SEPTIN7: variants seen among roughly 807,000 people sequenced by gnomAD.
SEPTIN7 encodes septin-7.
In SEPTIN7, 10 loss-of-function variants were observed where a neutral mutation model predicts 63.3. That is an observed-to-expected ratio of 0.16 (90% CI 0.10 to 0.27). The LOEUF is 0.27. Ranked by LOEUF, SEPTIN7 falls within the 10% of genes least tolerant of loss-of-function variation. The pLI is 1.00. For synonymous variants in SEPTIN7, 131 were observed against 165.3 expected, an observed-to-expected ratio of 0.79 and a Z score of 1.59; for missense variants, 310 against 521.0, an observed-to-expected ratio of 0.59 and a Z score of 3.94.
intron 3 of SEPTIN7, among the ~76,000 whole-genome samples, chr7:35,835,553 T>C (rs1372105121): frequency 2.0e-5 from 3 of 152,164 alleles, no homozygotes; most frequent in African/African-American, 7.2e-5. Flanking sequence ...TAGTCTGGGA[T>C]GTTCTTAACC....
intron 5 of SEPTIN7, among the ~76,000 whole-genome samples, chr7:35,873,035 G>T (rs1367637445): frequency 6.6e-6 from 1 of 151,986 alleles, no homozygotes; most frequent in Non-Finnish European, 1.5e-5. Context: ...GTAAATAGAA[G>T]AATTCTCATT....
chr7:35,819,710 CTT>C (rs1356154407), intron 1 of SEPTIN7, among the ~76,000 whole-genome samples: 5 of 152,088 alleles, frequency 3.3e-5, no homozygotes, highest in Admixed American at 1.3e-4. Context: ...AACAATATGT[CTT>C]TTAAGTCTGT....
chr7:35,890,246 A>G (rs1787551258), intron 10 of SEPTIN7, among the ~76,000 whole-genome samples: 1 of 152,216 alleles, frequency 6.6e-6, no homozygotes, highest in Non-Finnish European at 1.5e-5. Context: ...GAAATTTATT[A>G]TTATGTATTA....
rs554048933 is a variant in SEPTIN7 at position 35,853,183 on chromosome 7, GC to G, written c.170-10366del. Among the ~76,000 whole-genome samples, 246 of 152,292 alleles carry G rather than the reference GC, an allele frequency of 1.6e-3. 2 individuals are homozygous for G. The highest frequency in any genetic ancestry group is 5.7e-3 in the African/African-American group (239 of 41,566). On this transcript the variant is annotated intron_variant, in intron 3 of 13. Coordinates refer to ENST00000350320, the MANE Select transcript of SEPTIN7 (RefSeq NM_001788.6). ...CCTGGTGCTCAAGCATGTAATCCCA[GC>G]CCTTTGGGAGGCCGAGGTGGGAAGA...
rs1199377689 is a variant in SEPTIN7 at position 35,883,964 on chromosome 7, A to T, written c.797A>T (p.Gln266Leu). 1 of 1,609,284 alleles carries T rather than the reference A, an allele frequency of 6.2e-7. No individual in the cohort carries two copies. Among genetic ancestry groups the T allele is most frequent in the African/African-American group, 1.3e-5 (1 of 74,816 alleles). The change falls in exon 9 of 14, where the codon CAG becomes CTG. Residue 266 changes from glutamine (Q) to leucine (L), a missense_variant. Coordinates refer to ENST00000350320, the MANE Select transcript of SEPTIN7 (RefSeq NM_001788.6). Reference protein sequence around the residue: ...EVNGKRVRGRQYPWGVAEVEN... With the variant: ...EVNGKRVRGRLYPWGVAEVEN... Reference sequence around the variant, plus strand: ...AATGGCAAAAGGGTCAGAGGAAGGCAGTATCCTTGGGGTGTTGCTGAAGGT... The same window carrying T: ...AATGGCAAAAGGGTCAGAGGAAGGCTGTATCCTTGGGGTGTTGCTGAAGGT...
chr7:35,910,101 T>C (rs1788714707), downstream of SEPTIN7, among the ~76,000 whole-genome samples: 1 of 152,214 alleles, frequency 6.6e-6, no homozygotes, highest in South Asian at 2.1e-4. Flanking sequence ...TGTGACATGG[T>C]GGCTGGCTTT....
intron 3 of SEPTIN7, among the ~76,000 whole-genome samples, chr7:35,840,068 T>C (rs1784330312): frequency 6.6e-6 from 1 of 152,144 alleles, no homozygotes; most frequent in Non-Finnish European, 1.5e-5. Context: ...TGGCACATAC[T>C]GGCAAATTGT....
intron 11 of SEPTIN7, among the ~76,000 whole-genome samples, chr7:35,895,615 C>T (rs1405279411): frequency 4.6e-5 from 7 of 151,968 alleles, no homozygotes; most frequent in African/African-American, 1.5e-4. Context: ...TTAGCTTTAG[C>T]GAATTTTACT....
intron 3 of SEPTIN7, among the ~76,000 whole-genome samples, chr7:35,844,072 A>G (rs1333191784): frequency 6.6e-6 from 1 of 152,206 alleles, no homozygotes; most frequent in Admixed American, 6.5e-5. Context: ...TTTTAATTGA[A>G]TGATTAGTAA....
chr7:35,842,503 G>T (rs775445365), intron 3 of SEPTIN7, among the ~76,000 whole-genome samples: 21 of 152,060 alleles, frequency 1.4e-4, no homozygotes, highest in Admixed American at 2.6e-4. Flanking sequence ...AGCAGGGAAG[G>T]GGAATGCTGA....
At chr7:35,910,032 G>A (rs542556344), downstream of SEPTIN7, among the ~76,000 whole-genome samples, 58 of 152,322 alleles carry the variant, frequency 3.8e-4, no homozygotes, top group African/African-American at 6.5e-4. Context: ...GCAAGTTGAC[G>A]TTAAGAGGCC....
At chr7:35,860,343 G>T (rs548476367) in intron 3 of SEPTIN7, among the ~76,000 whole-genome samples, 3 of 151,660 alleles carry the variant, frequency 2.0e-5, no homozygotes, top group African/African-American at 7.3e-5. Context: ...TAATGCATTC[G>T]CCTTTAAAAA....
At chr7:35,897,425 G>A (rs1462013632) in intron 11 of SEPTIN7, among the ~76,000 whole-genome samples, 6 of 152,050 alleles carry the variant, frequency 3.9e-5, no homozygotes, top group Non-Finnish European at 7.4e-5. Context: ...AAGCCCACCT[G>A]TAAATATATC....
Position 35,885,870 on chromosome 7 carries a change from T to A in SEPTIN7, c.863T>A (p.Met288Lys). Residue 288 changes from methionine (M) to lysine (K), a missense_variant, in exon 10 of 14, where the codon ATG (methionine) becomes AAG (lysine). Transcript: ENST00000350320. ...TGTGATTTTACAATCCTAAGAAATA[T>A]GTTGATAAGGTAAGTGCAAGCAATG... ...EHCDFTILRN[M>K]LIRTHMQDLK... The A allele has an allele frequency of 6.2e-7, 1 of 1,601,902 alleles. No individual in the cohort carries two copies. The highest frequency in any genetic ancestry group is 8.5e-7 in the Non-Finnish European group (1 of 1,170,764).
At position 35,801,177 on chromosome 7, in the gene SEPTIN7, T is replaced by C; in HGVS notation, c.-33T>C. 4.1e-6 allele frequency: 6 copies of C among 1,464,324 alleles called. No individual in the cohort carries two copies. Among genetic ancestry groups the C allele is most frequent in the Non-Finnish European group, 5.4e-6 (6 of 1,104,498 alleles). 90.7% of individuals were successfully genotyped at this position (1,464,324 alleles called of 1,614,324 possible). A position where few individuals can be genotyped will look rare whatever the true frequency, so the allele number is the denominator to read the frequency against. ...CCTTTGGAGAATCGGCGGGCTGCGC[T>C]CCGCTGGGGCTGGTCGCGGAGGGGG... On this transcript the variant is annotated 5_prime_UTR_variant, in exon 1 of 14. Coordinates refer to ENST00000350320, the MANE Select transcript of SEPTIN7 (RefSeq NM_001788.6).
chr7:35,872,921 T>A (rs1048407815), intron 5 of SEPTIN7, among the ~76,000 whole-genome samples, 155 bp downstream of exon 5: 2 of 152,144 alleles, frequency 1.3e-5, no homozygotes, highest in Non-Finnish European at 2.9e-5. Flanking sequence ...TTGCCACTTA[T>A]CTGACAAAGT....
chr7:35,812,328 ATTTTT>A (rs1323416018), intron 1 of SEPTIN7, among the ~76,000 whole-genome samples: 1 of 117,144 alleles, frequency 8.5e-6, no homozygotes. Context: ...CCACCCCCCC[ATTTTT>A]TTTTTTTAAT....
chr7:35,884,986 T>C (rs1446205644), intron 9 of SEPTIN7, among the ~76,000 whole-genome samples: 1 of 152,034 alleles, frequency 6.6e-6, no homozygotes, highest in African/African-American at 2.4e-5. Context: ...GATTTGATTG[T>C]TTTATCTGTT....
chr7:35,852,502 ACTT>A (rs1785010549), intron 3 of SEPTIN7, among the ~76,000 whole-genome samples: 3 of 152,184 alleles, frequency 2.0e-5, no homozygotes, highest in Non-Finnish European at 2.9e-5. Flanking sequence ...CCTTCAGGGT[ACTT>A]CTTAGGAAAA....
Sources: allele counts gnomAD v4.1 joint callset (sites outside exome capture counted in the v4.1 genomes callset), GRCh38; gene constraint gnomAD v4.1.1; transcripts MANE v1.5; gene names NCBI Gene and HGNC (gene_info 2026-07-23, HGNC 2026-07-21).